Variants in PATE4 observed in about 807,000 individuals in gnomAD.
PATE4 encodes the protein prostate and testis expressed 4.
In PATE4, 13 loss-of-function variants were observed where a neutral mutation model predicts 8.5. The observed-to-expected ratio is 1.53, with a 90% CI of 1.00 to 2.43. The LOEUF (loss-of-function observed/expected upper bound fraction) is 2.43, where lower values mean the gene tolerates loss of function less well. Among genes scored for constraint, PATE4 ranks in the 30% most tolerant of loss-of-function variants. The pLI is 0.00. For synonymous variants in PATE4, 47 were observed against 39.3 expected, an observed-to-expected ratio of 1.20 and a Z score of -0.73; for missense variants, 127 against 115.5, an observed-to-expected ratio of 1.10 and a Z score of -0.46.
intron 1 of PATE4, chr11:125,834,898 G>A (rs1441524851): frequency 6.6e-6 from 1 of 152,094 alleles, no homozygotes; most frequent in Non-Finnish European, 1.5e-5. Context: ...TATGAAAAGG[G>A]GGTAAAAAGA....
chr11:125,838,268 T>C (rs979052253), intron 2 of PATE4, 38 bp from the exon 3 acceptor site: 1 of 1,506,838 alleles, frequency 6.6e-7, no homozygotes. Context: ...AGTAAGGCAA[T>C]CTCCTCCAGC....
At chr11:125,837,796 A>T in intron 1 of PATE4, 72 bp from the exon 2 acceptor site, 1 of 1,042,278 alleles carries the variant, frequency 9.6e-7, no homozygotes, top group Non-Finnish European at 1.4e-6. Flanking sequence ...GCAACCTCTT[A>T]CTGATGCTGA....
chr11:125,837,264 C>A (rs891980781), intron 1 of PATE4, among the ~76,000 whole-genome samples: 1 of 152,294 alleles, frequency 6.6e-6, no homozygotes, highest in Non-Finnish European at 1.5e-5. Flanking sequence ...CAGGGACTCC[C>A]AAATCACCTC....
At position 125,833,325 on chromosome 11, in the gene PATE4, C is replaced by T; in HGVS notation, c.-35C>T. The T allele has an allele frequency of 6.5e-7, 1 of 1,546,856 alleles. No individual in the cohort carries two copies. Among genetic ancestry groups the T allele is most frequent in the Non-Finnish European group, 8.8e-7 (1 of 1,142,800 alleles). On this transcript the variant is annotated 5_prime_UTR_variant, in exon 1 of 3. Coordinates refer to ENST00000457514, the MANE Select transcript of PATE4 (RefSeq NM_001144874.1). ...AGTGGCTGCCCTTTCCAATACCTCA[C>T]TCAGCACACCGTCTGTCACCCAAAC...
chr11:125,837,665 C>T (rs1046983216), intron 1 of PATE4, among the ~76,000 whole-genome samples: 1 of 152,318 alleles, frequency 6.6e-6, no homozygotes, highest in South Asian at 2.1e-4. Context: ...GGACCCTATT[C>T]AGGTCACAGA....
chr11:125,834,934 G>A (rs1228333290), intron 1 of PATE4: 1 of 152,118 alleles, frequency 6.6e-6, no homozygotes, highest in African/African-American at 2.4e-5. Context: ...ATATTTGCTT[G>A]AATATACTGA....
intron 1 of PATE4, chr11:125,835,287 A>G (rs551209751): frequency 2.6e-5 from 4 of 152,300 alleles, no homozygotes; most frequent in African/African-American, 9.6e-5. Flanking sequence ...TGGAAGGCAC[A>G]GTGAGCTTGA....
intron 1 of PATE4, 74 bp from the exon 2 acceptor site, chr11:125,837,794 T>C: frequency 1.9e-6 from 2 of 1,031,464 alleles, no homozygotes; most frequent in Non-Finnish European, 2.9e-6. Context: ...ATGCAACCTC[T>C]TACTGATGCT....
At chr11:125,836,196 G>A (rs1943918684) in intron 1 of PATE4, among the ~76,000 whole-genome samples, 6 of 150,228 alleles carry the variant, frequency 4.0e-5, no homozygotes, top group Admixed American at 4.0e-4. Context: ...AGGACTAGGA[G>A]AACTAGCTTT....
At chr11:125,833,608 C>G (rs1943901902) in intron 1 of PATE4, among the ~76,000 whole-genome samples, 191 bp downstream of exon 1, 1 of 152,134 alleles carries the variant, frequency 6.6e-6, no homozygotes, top group Admixed American at 6.5e-5. Flanking sequence ...TGCAGGGAAA[C>G]AGGACAATTT....
chr11:125,837,867 G>C lies in PATE4; in HGVS notation c.59-1G>C. 6.5e-7 allele frequency: 1 copy of C among 1,548,520 alleles called. No individual in the cohort carries two copies. Among genetic ancestry groups the C allele is most frequent in the South Asian group, 1.2e-5 (1 of 83,868 alleles). On this transcript the variant is annotated splice_acceptor_variant, in intron 1 of 2. Transcript: ENST00000457514. LOFTEE classifies it high-confidence loss of function. ...AATATTCTATTCTCTCCACCCTGCA[G>C]TTATGGGTCTGAAGTGTAATACCTG...
chr11:125,837,533 C>A (rs1378117620), intron 1 of PATE4, among the ~76,000 whole-genome samples: 1 of 152,178 alleles, frequency 6.6e-6, no homozygotes. Context: ...CTTTTCCAGC[C>A]CACAGTAATC....
At position 125,838,472 on chromosome 11, in the gene PATE4, A is replaced by T; in HGVS notation, c.*45A>T. The T allele has an allele frequency of 1.3e-6, 2 of 1,511,516 alleles. No homozygotes were observed. The highest frequency in any genetic ancestry group is 1.8e-6 in the Non-Finnish European group (2 of 1,133,024). The allele number at this position is 1,511,516 out of a possible 1,614,324, so 93.6% of individuals were successfully genotyped here. On this transcript the variant is annotated 3_prime_UTR_variant, in exon 3 of 3. Coordinates refer to ENST00000457514, the MANE Select transcript of PATE4 (RefSeq NM_001144874.1). ...GAGGATCATCTGATCAAGATCCAGA[A>T]TCAAGACCAACCAACATGAACTGTT... is the stretch of plus-strand genomic sequence containing the variant.
chr11:125,838,297 CA>C lies in PATE4; in HGVS notation c.176-8del, dbSNP rs780083723. 32 of 1,532,430 alleles carry C rather than the reference CA, an allele frequency of 2.1e-5. No homozygotes were observed. The South Asian group carries it at 4.0e-4, about 19-fold the overall frequency. 94.9% of individuals were successfully genotyped at this position (1,532,430 alleles called of 1,614,324 possible). ...CTCCAGCATTTATAACAGGCTTCTTCATTTTCAGGAGACAAACATATGTACT... is the reference window on the plus strand; with the variant it reads ...CTCCAGCATTTATAACAGGCTTCTTCTTTTCAGGAGACAAACATATGTACT... On this transcript the variant is annotated splice_region_variant and splice_polypyrimidine_tract_variant and intron_variant, in intron 2 of 2. Transcript: ENST00000457514.
Position 125,839,746 on chromosome 11 carries a change from TACTC to T in PATE4, c.*1323_*1326del, listed in dbSNP as rs1252134462. ...AATAACCATCAGATCTTGTGAGACT[TACTC>T]ACTATCACGAGAATAGCACAGGAAA... On this transcript the variant is annotated 3_prime_UTR_variant, in exon 3 of 3. Coordinates refer to ENST00000457514, the MANE Select transcript of PATE4 (RefSeq NM_001144874.1). The T allele has an allele frequency of 6.6e-6, 1 of 152,162 alleles. No homozygotes were observed. Among genetic ancestry groups the T allele is most frequent in the Non-Finnish European group, 1.5e-5 (1 of 68,030 alleles). The allele number at this position is 152,162 out of a possible 1,614,324, so 9.4% of individuals were successfully genotyped here. A position where few individuals can be genotyped will look rare whatever the true frequency, so the allele number is the denominator to read the frequency against.
intron 1 of PATE4, among the ~76,000 whole-genome samples, chr11:125,836,619 C>T (rs1943921680): frequency 6.6e-6 from 1 of 152,182 alleles, no homozygotes; most frequent in Non-Finnish European, 1.5e-5. Flanking sequence ...CCACTCCCCA[C>T]AGAAACCTTC....
chr11:125,837,080 T>C (rs1191405582), intron 1 of PATE4, among the ~76,000 whole-genome samples: 1 of 152,200 alleles, frequency 6.6e-6, no homozygotes, highest in African/African-American at 2.4e-5. Context: ...AGCACTCAAG[T>C]CCTCCTGGGC....
chr11:125,834,343 G>A (rs1020967959), intron 1 of PATE4, among the ~76,000 whole-genome samples: 4 of 151,808 alleles, frequency 2.6e-5, no homozygotes, highest in Non-Finnish European at 5.9e-5. Context: ...AATCAAAAAG[G>A]AAAAGGCCAA....
Position 125,837,892 on chromosome 11 carries a change from G to A in PATE4, c.83G>A (p.Cys28Tyr), listed in dbSNP as rs796631987. 1.9e-6 allele frequency: 3 copies of A among 1,551,390 alleles called. No individual in the cohort carries two copies. The highest frequency in any genetic ancestry group is 1.2e-5 in the South Asian group (1 of 84,038). Residue 28 changes from cysteine (C) to tyrosine (Y), a missense_variant, in exon 2 of 3, where the codon TGC becomes TAC. By Grantham distance (194) the Cys-to-Tyr change is radical (BLOSUM62 -2). Transcript: ENST00000457514. ...KEVMGLKCNT[C>Y]IYTEGWKCMA... is the part of the protein sequence containing the mutation. ...GTTATGGGTCTGAAGTGTAATACCT[G>A]CATATACACAGAAGGATGGAAGTGT...
Sources: gnomAD v4.1 joint callset for allele counts (sites outside exome capture counted in the v4.1 genomes callset) on GRCh38, gnomAD v4.1.1 for gene constraint, MANE v1.5 for transcripts, NCBI Gene and HGNC (gene_info 2026-07-23, HGNC 2026-07-21) for gene names.